Variants in DIS3L2 observed in about 807,000 individuals in gnomAD.
The protein encoded by DIS3L2 is DIS3 like 3'-5' exoribonuclease 2.
A neutral mutation model predicts 97.5 loss-of-function variants in DIS3L2; 34 were observed. That is an observed-to-expected ratio of 0.35 (90% confidence interval 0.27 to 0.46). The LOEUF (loss-of-function observed/expected upper bound fraction) is 0.46, where lower values mean the gene tolerates loss of function less well. Among genes scored for constraint, DIS3L2 ranks in the 20% least tolerant of loss-of-function variants. The pLI, the probability that DIS3L2 is intolerant of heterozygous loss-of-function variation, is 1.00. For missense variants in DIS3L2, 1,038 were observed against 1,146.0 expected (o/e 0.91, Z 1.36); for synonymous variants, 435 against 445.2 (o/e 0.98, Z 0.29).
chr2:232,096,761 G>A lies in DIS3L2; in HGVS notation c.601+9040G>A, dbSNP rs548750477. On this transcript the variant is annotated intron_variant, in intron 6 of 20. Coordinates refer to ENST00000325385, the MANE Select transcript of DIS3L2 (RefSeq NM_152383.5). The stretch of plus-strand genomic sequence containing the variant: ...TTCATTTTTCAGCTCCAGATTTTCT[G>A]TTTGATTTTTTTTAATCATTTCAAT... Among the ~76,000 whole-genome samples the A allele has an allele frequency of 5.9e-5, 9 of 151,660 alleles. No individual in the cohort carries two copies. The South Asian group carries it at 1.9e-3, about 32-fold the overall frequency.
At chr2:232,280,725 C>T (rs181958896) in intron 13 of DIS3L2, among the ~76,000 whole-genome samples, 16 of 152,272 alleles carry the variant, frequency 1.1e-4, no homozygotes, top group Admixed American at 3.9e-4. Flanking sequence ...GATGACCAAC[C>T]TCAGCCAAGC....
intron 1 of DIS3L2, among the ~76,000 whole-genome samples, chr2:231,986,359 C>T (rs947843403): frequency 6.6e-6 from 1 of 152,176 alleles, no homozygotes; most frequent in Admixed American, 6.5e-5. Flanking sequence ...CACATACCCA[C>T]AGGAAAGTTA....
intron 8 of DIS3L2, among the ~76,000 whole-genome samples, chr2:232,137,109 G>A (rs775493458): frequency 6.6e-6 from 1 of 152,126 alleles, no homozygotes; most frequent in East Asian, 1.9e-4. Flanking sequence ...GAGACCCCAG[G>A]CTCCTTTGCT....
chr2:232,318,457 C>T (rs559319866), intron 14 of DIS3L2, among the ~76,000 whole-genome samples: 1 of 152,200 alleles, frequency 6.6e-6, no homozygotes, highest in African/African-American at 2.4e-5. Flanking sequence ...GCACTGAGCA[C>T]AAGAGAAGGG....
At chr2:232,078,357 A>G (rs914339359) in intron 5 of DIS3L2, among the ~76,000 whole-genome samples, 5 of 152,024 alleles carry the variant, frequency 3.3e-5, no homozygotes, top group East Asian at 1.9e-4. Flanking sequence ...AGTATTTTCT[A>G]TCTGCTTGTA....
intron 14 of DIS3L2, among the ~76,000 whole-genome samples, chr2:232,326,715 A>G (rs1373573654): frequency 6.8e-6 from 1 of 146,972 alleles, no homozygotes; most frequent in Non-Finnish European, 1.5e-5. Context: ...GTTGGGCCAG[A>G]GCTCCACAGG....
At chr2:231,981,642 CAT>C (rs1391082960) in intron 1 of DIS3L2, among the ~76,000 whole-genome samples, 347 of 89,236 alleles carry the variant, frequency 3.9e-3, no homozygotes, top group Non-Finnish European at 5.9e-3. Context: ...ATATATGAGA[CAT>C]ATTTACATAT....
intron 10 of DIS3L2, among the ~76,000 whole-genome samples, chr2:232,218,805 G>A (rs772109992): frequency 6.6e-6 from 1 of 152,138 alleles, no homozygotes; most frequent in Non-Finnish European, 1.5e-5. Flanking sequence ...TTTCCTACGT[G>A]GCACGCACAA....
chr2:232,237,213 G>A (rs935988060), intron 10 of DIS3L2, among the ~76,000 whole-genome samples: 3 of 152,080 alleles, frequency 2.0e-5, no homozygotes, highest in Non-Finnish European at 4.4e-5. Context: ...TTTACAGTAT[G>A]TTCAAGAATA....
chr2:231,981,024 A>G (rs527330285), intron 1 of DIS3L2, among the ~76,000 whole-genome samples: 1 of 152,150 alleles, frequency 6.6e-6, no homozygotes, highest in South Asian at 2.1e-4. Flanking sequence ...GCTCACTGCA[A>G]CCTCTGCCTC....
At chr2:232,323,811 T>TG (rs1232193427) in intron 14 of DIS3L2, among the ~76,000 whole-genome samples, 1 of 152,008 alleles carries the variant, frequency 6.6e-6, no homozygotes, top group Non-Finnish European at 1.5e-5. Context: ...CAGCTGTGGG[T>TG]GGGGGTCCAT....
chr2:232,089,313 C>T (rs893766100), intron 6 of DIS3L2, among the ~76,000 whole-genome samples: 1 of 152,160 alleles, frequency 6.6e-6, no homozygotes, highest in Non-Finnish European at 1.5e-5. Flanking sequence ...CTTCAGGGTA[C>T]CCAGGTTCCT....
chr2:232,044,352 T>C (rs1011250781), intron 5 of DIS3L2, among the ~76,000 whole-genome samples: 2 of 152,142 alleles, frequency 1.3e-5, no homozygotes, highest in African/African-American at 4.8e-5. Context: ...AGTGCCCATG[T>C]GGAATACAAG....
intron 9 of DIS3L2, among the ~76,000 whole-genome samples, chr2:232,202,436 G>A (rs964546537): frequency 6.6e-6 from 1 of 152,128 alleles, no homozygotes; most frequent in African/African-American, 2.4e-5. Context: ...AACGATGAGA[G>A]GTTCATTGAA....
At chr2:232,341,507 C>T (rs1026425718), downstream of DIS3L2, among the ~76,000 whole-genome samples, 2 of 152,190 alleles carry the variant, frequency 1.3e-5, no homozygotes, top group African/African-American at 2.4e-5. Context: ...TCACAGTTTA[C>T]GATCTGGCAA....
intron 12 of DIS3L2, among the ~76,000 whole-genome samples, chr2:232,255,560 G>A (rs1693537593): frequency 6.6e-6 from 1 of 152,162 alleles, no homozygotes; most frequent in South Asian, 2.1e-4. Flanking sequence ...CAGGCTTTTA[G>A]GTCAATAAAC....
At chr2:232,124,379 A>T (rs1413973287) in intron 6 of DIS3L2, among the ~76,000 whole-genome samples, 8 of 152,250 alleles carry the variant, frequency 5.3e-5, no homozygotes, top group African/African-American at 1.9e-4. Context: ...AGAAATAAAC[A>T]TTAAATTAAT....
chr2:232,310,539 G>A (rs576671774), intron 14 of DIS3L2, among the ~76,000 whole-genome samples: 18 of 152,322 alleles, frequency 1.2e-4, no homozygotes, highest in East Asian at 1.9e-4. Context: ...ACCTCACTCC[G>A]TGCAGCAGCA....
chr2:232,200,786 T>TG (rs35055550), intron 9 of DIS3L2, among the ~76,000 whole-genome samples: 29,082 of 146,004 alleles, frequency 0.2, 3,480 homozygotes, highest in South Asian at 0.47. Flanking sequence ...AAAGGTTTTT[T>TG]TTTTTTTTTT....
Sources: allele counts gnomAD v4.1 joint callset (sites outside exome capture counted in the v4.1 genomes callset), GRCh38; gene constraint gnomAD v4.1.1; transcripts MANE v1.5; gene names NCBI Gene and HGNC (gene_info 2026-07-23, HGNC 2026-07-21).